The following ARHGAP42 variants were observed in gnomAD, a reference collection of about 807,000 sequenced individuals.
ARHGAP42 encodes rho GTPase-activating protein 42.
ARHGAP42 carries 63 observed loss-of-function variants against 125.0 expected under a neutral mutation model. The ratio of observed to expected loss-of-function variants is 0.50; its 90% CI spans 0.41 to 0.62. The LOEUF is 0.62. ARHGAP42 is among the 20% of genes least tolerant of loss of function. The pLI is 0.00. For missense variants in ARHGAP42, 766 were observed against 1,024.2 expected (o/e 0.75, Z 3.44); for synonymous variants, 339 against 351.0 (o/e 0.97, Z 0.38).
intron 13 of ARHGAP42, 130 bp downstream of exon 13, chr11:100,960,075 A>C: frequency 1.3e-6 from 1 of 796,476 alleles, no homozygotes; most frequent in Non-Finnish European, 2.0e-6. Flanking sequence ...AGTAATATAA[A>C]TGTATGTATC....
At position 100,807,351 on chromosome 11, in the gene ARHGAP42, A is replaced by T. The variant is rs544618955; in HGVS notation, c.312+12185A>T. 1.6e-3 allele frequency among the ~76,000 whole-genome samples: 240 copies of T among 151,852 alleles called. 1 individual carries two copies. The highest frequency in any genetic ancestry group is 2.8e-3 in the Non-Finnish European group (189 of 67,974). ...GCTGAGATTACAGGCATGCATCAACATGTCTGGCCAATTTTTGTATTTTTA... is the reference window on the plus strand; with the variant it reads ...GCTGAGATTACAGGCATGCATCAACTTGTCTGGCCAATTTTTGTATTTTTA... On this transcript the variant is annotated intron_variant, in intron 3 of 23. Transcript: ENST00000298815.
intron 1 of ARHGAP42, among the ~76,000 whole-genome samples, chr11:100,728,673 AAAT>A (rs1861901996): frequency 6.8e-6 from 1 of 147,740 alleles, no homozygotes; most frequent in Admixed American, 6.8e-5. Flanking sequence ...CGATGGATCT[AAAT>A]AAGTGTTGAG....
intron 5 of ARHGAP42, among the ~76,000 whole-genome samples, chr11:100,920,842 T>C (rs184098260): frequency 6.6e-6 from 1 of 152,298 alleles, no homozygotes; most frequent in Non-Finnish European, 1.5e-5. Context: ...TTGACTCTGC[T>C]ACCAGTATTA....
At chr11:100,941,146 G>T (rs934010851) in intron 8 of ARHGAP42, among the ~76,000 whole-genome samples, 2 of 152,122 alleles carry the variant, frequency 1.3e-5, no homozygotes, top group Non-Finnish European at 1.5e-5. Context: ...CTGGGAAACA[G>T]CAACTACAAA....
intron 4 of ARHGAP42, among the ~76,000 whole-genome samples, chr11:100,905,570 T>A (rs1393531956): frequency 6.6e-6 from 1 of 152,138 alleles, no homozygotes. Flanking sequence ...GTGAACCATA[T>A]CAGATTCTAT....
intron 10 of ARHGAP42, 118 bp from the exon 11 acceptor site, chr11:100,948,339 C>A: frequency 2.8e-6 from 2 of 714,544 alleles, no homozygotes; most frequent in Non-Finnish European, 4.3e-6. Flanking sequence ...TGTTTTTCTC[C>A]TCTGTCTTCA....
intron 12 of ARHGAP42, among the ~76,000 whole-genome samples, chr11:100,959,505 C>T (rs538826890): frequency 5.3e-5 from 8 of 152,008 alleles, no homozygotes; most frequent in South Asian, 4.2e-4. Flanking sequence ...TTTTGAGAAT[C>T]GCGGGAAAGG....
chr11:100,695,028 C>T (rs1304941515), intron 1 of ARHGAP42, among the ~76,000 whole-genome samples: 1 of 152,160 alleles, frequency 6.6e-6, no homozygotes, highest in Non-Finnish European at 1.5e-5. Flanking sequence ...GAGACTGTCT[C>T]AAAAAGAAGT....
At chr11:100,933,857 G>A (rs958086083) in intron 7 of ARHGAP42, among the ~76,000 whole-genome samples, 11 of 151,780 alleles carry the variant, frequency 7.2e-5, no homozygotes, top group Non-Finnish European at 1.6e-4. Context: ...GCATGATCTC[G>A]GCTCACCGCA....
intron 1 of ARHGAP42, among the ~76,000 whole-genome samples, chr11:100,703,573 C>G (rs913344040): frequency 6.6e-6 from 1 of 152,122 alleles, no homozygotes; most frequent in Non-Finnish European, 1.5e-5. Context: ...CAAATTAGAT[C>G]TGCTTAATAG....
intron 1 of ARHGAP42, among the ~76,000 whole-genome samples, chr11:100,727,597 C>T (rs1168827354): frequency 6.6e-6 from 1 of 152,082 alleles, no homozygotes; most frequent in Non-Finnish European, 1.5e-5. Context: ...GTGATGAAGC[C>T]TCTATACAAT....
chr11:100,961,816 C>T, intron 15 of ARHGAP42, 48 bp downstream of exon 15: 1 of 1,458,344 alleles, frequency 6.9e-7, no homozygotes, highest in South Asian at 1.2e-5. Flanking sequence ...CTCTGACTCA[C>T]CCCTTGAGTA....
At chr11:100,885,672 G>A (rs1866073955) in intron 4 of ARHGAP42, among the ~76,000 whole-genome samples, 1 of 152,106 alleles carries the variant, frequency 6.6e-6, no homozygotes, top group Non-Finnish European at 1.5e-5. Context: ...CTATACATAT[G>A]TTGGCTAATT....
chr11:100,828,735 T>G (rs980688528), intron 3 of ARHGAP42, among the ~76,000 whole-genome samples: 10 of 151,422 alleles, frequency 6.6e-5, no homozygotes, highest in African/African-American at 2.4e-4. Flanking sequence ...TCACCCAGGC[T>G]GGAGTGCAGT....
chr11:100,977,940 C>T (rs1024012560), intron 21 of ARHGAP42, among the ~76,000 whole-genome samples: 1 of 152,172 alleles, frequency 6.6e-6, no homozygotes, highest in Admixed American at 6.5e-5. Flanking sequence ...GTCATAAATT[C>T]ATTAGTTCAT....
intron 17 of ARHGAP42, among the ~76,000 whole-genome samples, chr11:100,967,676 A>G (rs1032405243): frequency 1.3e-5 from 2 of 152,114 alleles, no homozygotes; most frequent in Non-Finnish European, 1.5e-5. Context: ...TATTAGCTAT[A>G]TATATATGTT....
In ARHGAP42 at chr11:100,743,962, A is replaced by G. The variant is rs377188023; in HGVS notation, c.155-26381A>G. Among the ~76,000 whole-genome samples, 7 of 152,240 alleles carry G rather than the reference A, an allele frequency of 4.6e-5. No individual in the cohort carries two copies. In the East Asian group the frequency reaches 9.7e-4, roughly 21 times the overall value. Reference sequence around the variant, plus strand: ...TTTCTTTCAAGTATCTGAAATAGCTATCTCTTGAGAAAATTATTTATTTGT... The same window carrying G: ...TTTCTTTCAAGTATCTGAAATAGCTGTCTCTTGAGAAAATTATTTATTTGT... On this transcript the variant is annotated intron_variant, in intron 1 of 23. Coordinates refer to ENST00000298815, the MANE Select transcript of ARHGAP42 (RefSeq NM_152432.4).
At chr11:100,794,601 T>C (rs1476902245) in intron 2 of ARHGAP42, among the ~76,000 whole-genome samples, 1 of 152,176 alleles carries the variant, frequency 6.6e-6, no homozygotes, top group East Asian at 1.9e-4. Flanking sequence ...ATCCCTTCAG[T>C]ATATGGAAGC....
At chr11:100,776,801 G>A (rs1470637626) in intron 2 of ARHGAP42, among the ~76,000 whole-genome samples, 1 of 151,986 alleles carries the variant, frequency 6.6e-6, no homozygotes, top group African/African-American at 2.4e-5. Flanking sequence ...TGGTCAACAT[G>A]GTGAAACCCC....
Sources: gnomAD v4.1 joint callset for allele counts (sites outside exome capture counted in the v4.1 genomes callset) on GRCh38, gnomAD v4.1.1 for gene constraint, MANE v1.5 for transcripts, NCBI Gene and HGNC (gene_info 2026-07-23, HGNC 2026-07-21) for gene names.